Variants in HSD17B11 observed in about 807,000 individuals in gnomAD.
HSD17B11 encodes the protein estradiol 17-beta-dehydrogenase 11.
In HSD17B11, 22 loss-of-function variants were observed where a neutral mutation model predicts 27.8. The observed-to-expected ratio is 0.79, with a 90% confidence interval of 0.56 to 1.13. The LOEUF is 1.13. Ranked by LOEUF, HSD17B11 falls within the 50% of genes most tolerant of loss-of-function variation. The probability of loss-of-function intolerance (pLI) is 0.00; values close to 1 mark genes in which losing one functional copy is unlikely to be tolerated. For synonymous variants in HSD17B11, 117 were observed against 132.8 expected (o/e 0.88, Z 0.82); for missense variants, 314 against 351.1 (o/e 0.89, Z 0.84).
intron 4 of HSD17B11, among the ~76,000 whole-genome samples, chr4:87,363,760 C>A (rs1313920377): frequency 6.6e-6 from 1 of 152,188 alleles, no homozygotes; most frequent in Admixed American, 6.5e-5. Flanking sequence ...ACCTGTAGCT[C>A]AGTAGCTAAG....
intron 2 of HSD17B11, among the ~76,000 whole-genome samples, chr4:87,380,484 A>AAAAAAAAAAAAAAG (rs1578046554): frequency 7.2e-6 from 1 of 138,644 alleles, no homozygotes. Context: ...AAAAAAAAAA[A>AAAAAAAAAAAAAAG]AAAAGAAAAA....
intron 6 of HSD17B11, among the ~76,000 whole-genome samples, chr4:87,337,968 A>G (rs1319773996): frequency 6.6e-6 from 1 of 152,248 alleles, no homozygotes; most frequent in Non-Finnish European, 1.5e-5. Context: ...CTGTAATCCC[A>G]GCACTTTGGG....
rs780007133 is a variant in HSD17B11, at chr4:87,382,284, G to A, written c.289C>T (p.Arg97Ter). The change falls in exon 2 of 7, where the codon CGA becomes TGA. Residue 97 changes from arginine (R) to a stop codon, truncating the protein, a stop_gained. Coordinates refer to ENST00000358290, the MANE Select transcript of HSD17B11 (RefSeq NM_016245.5). LOFTEE classifies it high-confidence loss of function. ...VHTFVVDCSN[R>*]EDIYSSAKKV... ...TTTGCAGAGCTGTAAATATCTTCTC[G>A]GTTGCTGCAGTCTACCACAAAGGTA... 19 of 1,613,334 alleles carry A rather than the reference G, an allele frequency of 1.2e-5. No individual in the cohort carries two copies. Among genetic ancestry groups the A allele is most frequent in the African/African-American group, 2.7e-5 (2 of 74,910 alleles).
intron 1 of HSD17B11, among the ~76,000 whole-genome samples, chr4:87,390,236 A>G (rs1156462815): frequency 6.6e-6 from 1 of 152,016 alleles, no homozygotes; most frequent in African/African-American, 2.4e-5. Flanking sequence ...GCTCACTGCA[A>G]CCTCCGCCCC....
intron 6 of HSD17B11, among the ~76,000 whole-genome samples, chr4:87,338,984 A>G (rs1735111202): frequency 6.6e-6 from 1 of 152,208 alleles, no homozygotes; most frequent in South Asian, 2.1e-4. Context: ...ACACAAACAC[A>G]GCTTCATTCA....
chr4:87,365,280 C>G (rs559085377), intron 4 of HSD17B11, among the ~76,000 whole-genome samples: 1 of 152,104 alleles, frequency 6.6e-6, no homozygotes, highest in Non-Finnish European at 1.5e-5. Flanking sequence ...AAAGTAAGTG[C>G]GTAAATATTT....
At chr4:87,337,504 C>T in intron 6 of HSD17B11, 138 bp from the exon 7 acceptor site, 1 of 595,438 alleles carries the variant, frequency 1.7e-6, no homozygotes, top group Non-Finnish European at 3.0e-6. Flanking sequence ...AAATCTGAGT[C>T]ACTACTATAT....
At chr4:87,379,837 TACTATTA>T (rs374599577) in intron 2 of HSD17B11, among the ~76,000 whole-genome samples, 51,909 of 144,242 alleles carry the variant, frequency 0.36, 10,745 homozygotes, top group African/African-American at 0.55. Flanking sequence ...ATATGTATTA[TACTATTA>T]TATATGTATA....
intron 4 of HSD17B11, among the ~76,000 whole-genome samples, chr4:87,367,079 G>A (rs547162343): frequency 5.3e-5 from 8 of 152,224 alleles, no homozygotes; most frequent in South Asian, 4.1e-4. Flanking sequence ...TGATTTCTCC[G>A]GAATGGAAAC....
intron 1 of HSD17B11, chr4:87,387,028 T>C (rs1484140820): frequency 6.6e-6 from 1 of 152,258 alleles, no homozygotes; most frequent in Admixed American, 6.5e-5. Flanking sequence ...GTCTCCTTCA[T>C]GCCCACCGCC....
intron 3 of HSD17B11, 108 bp downstream of exon 3, chr4:87,374,591 G>T: frequency 9.6e-7 from 1 of 1,042,176 alleles, no homozygotes; most frequent in African/African-American, 1.6e-5. Flanking sequence ...CCTGGTGCCT[G>T]GAGAAAACTT....
At chr4:87,341,832 T>C (rs1355676844) in intron 5 of HSD17B11, among the ~76,000 whole-genome samples, 4 of 151,954 alleles carry the variant, frequency 2.6e-5, no homozygotes, top group Non-Finnish European at 5.9e-5. Flanking sequence ...TTCCACTGCA[T>C]TCCAGCCTGG....
Position 87,389,468 on chromosome 4 carries a change from C to T in HSD17B11, c.210+1393G>A, listed in dbSNP as rs551802084. 2.0e-5 allele frequency among the ~76,000 whole-genome samples: 3 copies of T among 152,278 alleles called. No individual in the cohort carries two copies. The East Asian group carries it at 5.8e-4, about 29-fold the overall frequency. Reference sequence around the variant, plus strand: ...TGAACTCCTGACCTCAGGTCATCTGCCCGCCTCGGCCTCCAAAAGTGCTGG... The same window carrying T: ...TGAACTCCTGACCTCAGGTCATCTGTCCGCCTCGGCCTCCAAAAGTGCTGG... On this transcript the variant is annotated intron_variant, in intron 1 of 6. Transcript: ENST00000358290.
At chr4:87,342,381 C>CAA (rs543558458) in intron 5 of HSD17B11, among the ~76,000 whole-genome samples, 3,757 of 74,262 alleles carry the variant, frequency 0.051, 81 homozygotes, top group South Asian at 0.083. Context: ...AACTTCGCTG[C>CAA]AAAAAAAAAA....
chr4:87,362,987 C>G (rs759939862), intron 4 of HSD17B11, among the ~76,000 whole-genome samples: 1 of 152,042 alleles, frequency 6.6e-6, no homozygotes, highest in Admixed American at 6.6e-5. Flanking sequence ...GTTGAAATTC[C>G]AAGTCAGAGG....
intron 4 of HSD17B11, among the ~76,000 whole-genome samples, chr4:87,364,944 G>A (rs1362059056): frequency 3.3e-5 from 5 of 152,220 alleles, no homozygotes; most frequent in African/African-American, 9.6e-5. Context: ...TGAGGTGGGC[G>A]GATCACTTGA....
At chr4:87,372,876 G>T in intron 3 of HSD17B11, 61 bp from the exon 4 acceptor site, 1 of 993,444 alleles carries the variant, frequency 1.0e-6, no homozygotes, top group Non-Finnish European at 1.6e-6. Flanking sequence ...AGACCTATTG[G>T]GAATATTTTG....
At position 87,341,815 on chromosome 4, in the gene HSD17B11, A is replaced by C. The variant is rs373057234; in HGVS notation, c.696-1209T>G. ...TGGGAGGCTGAGGCTGCAGTGGGTC[A>C]TGACTGTTCCACTGCATTCCAGCCT... is the stretch of plus-strand genomic sequence containing the variant. On this transcript the variant is annotated intron_variant, in intron 5 of 6. Transcript: ENST00000358290. Among the ~76,000 whole-genome samples the C allele has an allele frequency of 9.9e-5, 15 of 152,230 alleles. No individual in the cohort carries two copies. The East Asian group carries it at 1.6e-3, about 16-fold the overall frequency.
chr4:87,354,964 A>C (rs1349133730), intron 5 of HSD17B11, among the ~76,000 whole-genome samples: 1 of 151,276 alleles, frequency 6.6e-6, no homozygotes, highest in African/African-American at 2.4e-5. Context: ...AAAAAAAAAA[A>C]AAAAAAAATT....
Sources: allele counts gnomAD v4.1 joint callset (sites outside exome capture counted in the v4.1 genomes callset), GRCh38; gene constraint gnomAD v4.1.1; transcripts MANE v1.5; gene names NCBI Gene and HGNC (gene_info 2026-07-23, HGNC 2026-07-21).